The following MEI1 variants were observed in gnomAD, a reference collection of about 807,000 sequenced individuals.
MEI1 encodes the protein meiosis inhibitor protein 1.
In MEI1, 103 loss-of-function variants were observed where a neutral mutation model predicts 146.2. That is an observed-to-expected ratio of 0.70 (90% CI 0.60 to 0.83). The LOEUF (loss-of-function observed/expected upper bound fraction) is 0.83, where lower values mean the gene tolerates loss of function less well. Ranked by LOEUF, MEI1 falls within the 40% of genes least tolerant of loss-of-function variation. The pLI is 0.00. For synonymous variants in MEI1, 652 were observed against 628.2 expected, an observed-to-expected ratio of 1.04 and a Z score of -0.57; for missense variants, 1,529 against 1,533.0, an observed-to-expected ratio of 1.00 and a Z score of 0.04.
At chr22:41,753,670 G>A in intron 16 of MEI1, 1 of 248,754 alleles carries the variant, frequency 4.0e-6, no homozygotes, top group Non-Finnish European at 7.9e-6. Flanking sequence ...GTAGAGACAG[G>A]GTTTCACCAT....
At position 41,716,143 on chromosome 22, in the gene MEI1, C is replaced by T. The variant is rs757756760; in HGVS notation, c.526C>T (p.His176Tyr). Residue 176 changes from histidine to tyrosine, a missense_variant, in exon 5 of 31, where the codon CAT (histidine) becomes TAT (tyrosine). Transcript: ENST00000401548. ...TCTGGCAGACGAGCTTGTAATGGAG[C>T]ATGGTGAGTGACCTGTGGGAGGAGC... ...PALADELVME[H>Y]GNLMEHLLRG... The T allele has an allele frequency of 3.0e-4, 485 of 1,602,926 alleles. 1 individual carries two copies. The East Asian group carries it at 7.6e-3, about 25-fold the overall frequency.
intron 6 of MEI1, among the ~76,000 whole-genome samples, chr22:41,719,107 C>T (rs974607157): frequency 1.3e-5 from 2 of 151,744 alleles, no homozygotes; most frequent in African/African-American, 4.8e-5. Context: ...CTCAGCCTCC[C>T]GAGTAGCTGG....
intron 6 of MEI1, among the ~76,000 whole-genome samples, chr22:41,718,531 G>T (rs1358351578): frequency 6.6e-6 from 1 of 152,164 alleles, no homozygotes; most frequent in Non-Finnish European, 1.5e-5. Flanking sequence ...CTGCCCTGGT[G>T]CATCCTGTAT....
chr22:41,795,695 A>G lies in MEI1; in HGVS notation c.3667-40A>G. The stretch of plus-strand genomic sequence containing the variant: ...CAGTTAGGGCCTGTGTGGAATGGGC[A>G]CTGAGGAGGCCTGTCTTCCCTGCCC... On this transcript the variant is annotated intron_variant, in intron 29 of 30. Transcript: ENST00000401548. The surrounding 1 kb of genome is among the most constrained non-coding windows in gnomAD (Gnocchi z 4.2). 6.2e-7 allele frequency: 1 copy of G among 1,600,814 alleles called. No individual in the cohort carries two copies. The highest frequency in any genetic ancestry group is 8.5e-7 in the Non-Finnish European group (1 of 1,171,340).
chr22:41,717,618 CTTT>C (rs386395487), intron 5 of MEI1, among the ~76,000 whole-genome samples: 7 of 138,258 alleles, frequency 5.1e-5, no homozygotes, highest in Non-Finnish European at 6.3e-5. Flanking sequence ...TTTTTCTTTT[CTTT>C]TTTTTTTTTT....
intron 30 of MEI1, among the ~76,000 whole-genome samples, chr22:41,796,845 G>C (rs2076376949): frequency 6.6e-6 from 1 of 152,078 alleles, no homozygotes; most frequent in Admixed American, 6.5e-5. Context: ...TACTCGGGAG[G>C]CTGAGGCACA....
chr22:41,749,198 G>A (rs1054021578), intron 15 of MEI1, among the ~76,000 whole-genome samples: 2 of 152,052 alleles, frequency 1.3e-5, no homozygotes, highest in Admixed American at 6.5e-5. Flanking sequence ...CAAATGTTGT[G>A]CAACAAGTCT....
intron 17 of MEI1, among the ~76,000 whole-genome samples, chr22:41,757,027 A>G (rs763686372): frequency 4.6e-5 from 7 of 152,156 alleles, no homozygotes; most frequent in Non-Finnish European, 1.0e-4. Context: ...GCCTCTGAAC[A>G]CCTTGCTTCC....
At chr22:41,787,150 G>A (rs2076018877) in intron 26 of MEI1, among the ~76,000 whole-genome samples, 1 of 152,190 alleles carries the variant, frequency 6.6e-6, no homozygotes, top group African/African-American at 2.4e-5. Context: ...TCTGGGTCTG[G>A]TTAATCTTTG....
chr22:41,746,845 G>A (rs1181417802), intron 14 of MEI1, among the ~76,000 whole-genome samples: 3 of 152,232 alleles, frequency 2.0e-5, no homozygotes, highest in East Asian at 1.9e-4. Flanking sequence ...TAGTGGTCAG[G>A]AACCCTGGAC....
At chr22:41,745,156 A>G in intron 13 of MEI1, 92 bp downstream of exon 13, 1 of 886,596 alleles carries the variant, frequency 1.1e-6, no homozygotes, top group Non-Finnish European at 1.6e-6. Flanking sequence ...GCAACACTTG[A>G]TTTCTGATAC....
intron 3 of MEI1, among the ~76,000 whole-genome samples, chr22:41,707,060 G>T (rs531432035): frequency 6.6e-6 from 1 of 151,318 alleles, no homozygotes; most frequent in African/African-American, 2.4e-5. Context: ...AAAATTAGCC[G>T]GGCGCGGTGG....
At chr22:41,718,765 C>A (rs921234144) in intron 6 of MEI1, among the ~76,000 whole-genome samples, 1 of 152,136 alleles carries the variant, frequency 6.6e-6, no homozygotes, top group Admixed American at 6.6e-5. Context: ...AGTCCAAGAT[C>A]AAGAGGCTGG....
Position 41,758,473 on chromosome 22 carries a change from C to G in MEI1, c.2060C>G (p.Ala687Gly). 1 of 1,613,890 alleles carries G rather than the reference C, an allele frequency of 6.2e-7. No individual in the cohort carries two copies. The highest frequency in any genetic ancestry group is 2.2e-5 in the East Asian group (1 of 44,860). Residue 687 changes from alanine (A) to glycine (G), a missense_variant, in exon 18 of 31, where the codon GCT becomes GGT. Ala to Gly is a moderately conservative substitution (Grantham distance 60). Around this residue, in one of 3 missense-constraint regions of MEI1, gnomAD observed 1,212 missense variants for 1,178.9 expected, o/e 1.03. Transcript: ENST00000401548. The part of the protein sequence containing the change: ...LSDRQYMEGA[A>G]RQRQYCILLL... ...GATCGCCAGTACATGGAGGGAGCTGCTCGCCAGAGACAGTACTGCATCCTG... is the reference window on the plus strand; with the variant it reads ...GATCGCCAGTACATGGAGGGAGCTGGTCGCCAGAGACAGTACTGCATCCTG...
At position 41,792,902 on chromosome 22, in the gene MEI1, A is replaced by G. The variant is rs962754092; in HGVS notation, c.3346-927A>G. On this transcript the variant is annotated intron_variant, in intron 26 of 30. Coordinates refer to ENST00000401548, the MANE Select transcript of MEI1 (RefSeq NM_152513.4). ...CTTATTAGAGCATACAATTTTGATG[A>G]AAGATCCTGTTGCTTTAAAAAAAAA... Among the ~76,000 whole-genome samples the G allele has an allele frequency of 1.8e-4, 24 of 132,510 alleles. No individual in the cohort carries two copies. The Admixed American group carries it at 2.1e-3, about 12-fold the overall frequency. 86.9% of individuals were successfully genotyped at this position (132,510 alleles called of 152,430 possible). A position where few individuals can be genotyped will look rare whatever the true frequency, so the allele number is the denominator to read the frequency against.
Position 41,732,570 on chromosome 22 carries a change from C to T in MEI1, c.1298C>T (p.Ala433Val). The change falls in exon 11 of 31, where the codon GCT becomes GTT. Residue 433 changes from alanine (A) to valine (V), a missense_variant. Ala to Val is a moderately conservative substitution (Grantham distance 64). Transcript: ENST00000401548. Reference protein sequence around the residue: ...AVSSPVLEVAAEALKATSAFL... With the variant: ...AVSSPVLEVAVEALKATSAFL... ...AGCAGCCCTGTGCTGGAGGTGGCTG[C>T]TGAGGCCTTGAAGGCCACTTCTGCT... 6.2e-7 allele frequency: 1 copy of T among 1,613,696 alleles called. No individual in the cohort carries two copies. Among genetic ancestry groups the T allele is most frequent in the African/African-American group, 1.3e-5 (1 of 75,048 alleles).
At chr22:41,717,365 G>A (rs924938938) in intron 5 of MEI1, among the ~76,000 whole-genome samples, 3 of 152,074 alleles carry the variant, frequency 2.0e-5, no homozygotes, top group African/African-American at 4.8e-5. Context: ...GTTTCGCCAT[G>A]TTGGCCAGAC....
At chr22:41,743,808 A>T (rs1569231233) in intron 12 of MEI1, among the ~76,000 whole-genome samples, 2 of 152,186 alleles carry the variant, frequency 1.3e-5, no homozygotes, top group African/African-American at 4.8e-5. Context: ...AGCTTTCTGC[A>T]TATAATAGAC....
At chr22:41,762,556 T>G (rs1009817449) in intron 18 of MEI1, among the ~76,000 whole-genome samples, 13 of 150,342 alleles carry the variant, frequency 8.6e-5, no homozygotes, top group Non-Finnish European at 1.5e-4. Flanking sequence ...ACTGATTTTT[T>G]TTTTTTTTTT....
Sources: allele counts gnomAD v4.1 joint callset (sites outside exome capture counted in the v4.1 genomes callset), GRCh38; gene constraint gnomAD v4.1.1; regional missense constraint gnomAD v4.1.1; non-coding constraint Gnocchi (gnomAD v3.1); transcripts MANE v1.5; gene names NCBI Gene and HGNC (gene_info 2026-07-23, HGNC 2026-07-21).